The following ADGRL2 variants were observed in gnomAD, a reference collection of about 807,000 sequenced individuals.
ADGRL2 encodes the protein calcium-independent alpha-latrotoxin receptor 2.
A neutral mutation model predicts 157.4 loss-of-function variants in ADGRL2; 44 were observed. That is an observed-to-expected ratio of 0.28 (90% CI 0.22 to 0.36). The LOEUF (loss-of-function observed/expected upper bound fraction) is 0.36. Among genes scored for constraint, ADGRL2 ranks in the 10% least tolerant of loss-of-function variants. ADGRL2 has a pLI of 1.00. For missense variants in ADGRL2, 1,510 were observed against 1,768.9 expected (o/e 0.85, Z 2.63); for synonymous variants, 585 against 624.7 (o/e 0.94, Z 0.95).
At chr1:81,777,069 C>T (rs2086617069) in intron 2 of ADGRL2, among the ~76,000 whole-genome samples, 1 of 152,148 alleles carries the variant, frequency 6.6e-6, no homozygotes, top group Non-Finnish European at 1.5e-5. Context: ...AGCTTTCTCT[C>T]ACATGAAATA....
intron 2 of ADGRL2, among the ~76,000 whole-genome samples, chr1:81,554,451 G>A (rs2080223537): frequency 6.6e-6 from 1 of 151,570 alleles, no homozygotes; most frequent in Non-Finnish European, 1.5e-5. Context: ...CACCTGTCCT[G>A]CTATTTCCCC....
At chr1:81,726,026 C>A (rs185112886) in intron 1 of ADGRL2, among the ~76,000 whole-genome samples, 13 of 152,048 alleles carry the variant, frequency 8.5e-5, no homozygotes, top group Non-Finnish European at 1.8e-4. Context: ...AAAACCAAAA[C>A]AATCCGCAGG....
intron 1 of ADGRL2, among the ~76,000 whole-genome samples, chr1:81,803,005 G>A (rs1388372201): frequency 1.3e-5 from 2 of 152,134 alleles, no homozygotes; most frequent in Non-Finnish European, 2.9e-5. Flanking sequence ...GCCACGGGGA[G>A]GGCAGAGAGC....
chr1:81,517,987 C>T (rs1254205308), intron 2 of ADGRL2, among the ~76,000 whole-genome samples: 2 of 152,232 alleles, frequency 1.3e-5, no homozygotes, highest in African/African-American at 2.4e-5. Context: ...GGAAAGTTAG[C>T]ACCTTGCTTC....
intron 1 of ADGRL2, among the ~76,000 whole-genome samples, chr1:81,369,951 C>G (rs2076133678): frequency 6.6e-6 from 1 of 152,110 alleles, no homozygotes. Flanking sequence ...AGTGGAACAG[C>G]CTTGAGAGTT....
intron 2 of ADGRL2, among the ~76,000 whole-genome samples, chr1:81,471,628 C>A (rs1284777163): frequency 2.0e-5 from 3 of 152,152 alleles, no homozygotes; most frequent in Admixed American, 2.0e-4. Context: ...CAGGCGTAAA[C>A]AGTTGTTGAA....
chr1:81,590,923 C>A (rs1260654079), intron 3 of ADGRL2, among the ~76,000 whole-genome samples: 1 of 152,078 alleles, frequency 6.6e-6, no homozygotes. Flanking sequence ...CATTACATAG[C>A]TTTATATTCT....
chr1:81,473,018 G>A (rs2078202613), intron 2 of ADGRL2, among the ~76,000 whole-genome samples: 1 of 151,864 alleles, frequency 6.6e-6, no homozygotes, highest in Non-Finnish European at 1.5e-5. Flanking sequence ...CCACAATTAG[G>A]ACCCCAGTGC....
chr1:81,515,135 A>G (rs528411974), intron 2 of ADGRL2: 1 of 152,302 alleles, frequency 6.6e-6, no homozygotes, highest in South Asian at 2.1e-4. Context: ...GCCAGTGTTC[A>G]GGCAATGATG....
chr1:81,941,725 A>C (rs1338970851), intron 4 of ADGRL2, among the ~76,000 whole-genome samples: 1 of 151,876 alleles, frequency 6.6e-6, no homozygotes, highest in Non-Finnish European at 1.5e-5. Context: ...TATGTATACC[A>C]TGCATTAGTG....
At chr1:81,833,498 G>C (rs574486211) in intron 1 of ADGRL2, among the ~76,000 whole-genome samples, 24 of 152,154 alleles carry the variant, frequency 1.6e-4, no homozygotes, top group African/African-American at 5.8e-4. Context: ...ATTTTCTTTT[G>C]CCCTTATTAA....
intron 2 of ADGRL2, among the ~76,000 whole-genome samples, chr1:81,532,319 T>C (rs2079619962): frequency 6.6e-6 from 1 of 152,174 alleles, no homozygotes; most frequent in Admixed American, 6.5e-5. Context: ...TAATGTTTCC[T>C]CTACTTTACT....
At chr1:81,854,679 C>A (rs2093140572) in intron 2 of ADGRL2, among the ~76,000 whole-genome samples, 1 of 152,092 alleles carries the variant, frequency 6.6e-6, no homozygotes, top group Non-Finnish European at 1.5e-5. Flanking sequence ...TACCTTATGA[C>A]ACCTAAAGGG....
intron 1 of ADGRL2, among the ~76,000 whole-genome samples, chr1:81,440,018 T>C (rs2077478355): frequency 6.6e-6 from 1 of 152,012 alleles, no homozygotes; most frequent in Admixed American, 6.6e-5. Flanking sequence ...AGGCACAGGG[T>C]GGGGAGTGCA....
At chr1:81,937,299 C>T (rs920278943) in intron 4 of ADGRL2, among the ~76,000 whole-genome samples, 8 of 151,752 alleles carry the variant, frequency 5.3e-5, no homozygotes, top group African/African-American at 1.7e-4. Context: ...ACTTTTTGTT[C>T]TATTGTCTTT....
At chr1:81,368,582 T>C (rs1201743328) in intron 1 of ADGRL2, among the ~76,000 whole-genome samples, 1 of 152,222 alleles carries the variant, frequency 6.6e-6, no homozygotes, top group East Asian at 1.9e-4. Context: ...TGAGAATCTT[T>C]ATTCTGTGCC....
intron 2 of ADGRL2, among the ~76,000 whole-genome samples, chr1:81,522,994 T>C (rs1332940027): frequency 1.3e-5 from 2 of 152,070 alleles, no homozygotes; most frequent in African/African-American, 4.8e-5. Flanking sequence ...AACTGTAAAG[T>C]GGTTGAGGCT....
At chr1:81,333,762 C>A (rs369055650) in intron 1 of ADGRL2, among the ~76,000 whole-genome samples, 2,945 of 109,918 alleles carry the variant, frequency 0.027, no homozygotes, top group East Asian at 0.035. Flanking sequence ...GTTCCCTAAG[C>A]AAAAAAAAAA....
chr1:81,849,383 G>A (rs1234121024), intron 2 of ADGRL2, among the ~76,000 whole-genome samples: 1 of 151,896 alleles, frequency 6.6e-6, no homozygotes, highest in Admixed American at 6.6e-5. Flanking sequence ...CCATTTAAAT[G>A]ACAGCAGCTG....
Sources: allele counts gnomAD v4.1 joint callset (sites outside exome capture counted in the v4.1 genomes callset), GRCh38; gene constraint gnomAD v4.1.1; transcripts MANE v1.5; gene names NCBI Gene and HGNC (gene_info 2026-07-23, HGNC 2026-07-21).